The following ATP6V1D variants were observed in gnomAD, a reference collection of about 807,000 sequenced individuals.
ATP6V1D encodes ATPase H+ transporting V1 subunit D, also known as V-type proton ATPase subunit D.
A neutral mutation model predicts 39.4 loss-of-function variants in ATP6V1D; 20 were observed. The observed-to-expected ratio is 0.51, with a 90% CI of 0.36 to 0.74. The LOEUF is 0.74. ATP6V1D is among the 30% of genes least tolerant of loss of function. ATP6V1D has a pLI of 0.00. For missense variants in ATP6V1D, 228 were observed against 291.6 expected (o/e 0.78, Z 1.59); for synonymous variants, 100 against 100.5 (o/e 0.99, Z 0.03).
At chr14:67,346,807 T>C (rs2085622257) in intron 5 of ATP6V1D, among the ~76,000 whole-genome samples, 1 of 152,200 alleles carries the variant, frequency 6.6e-6, no homozygotes, top group Non-Finnish European at 1.5e-5. Flanking sequence ...AAACTGGGAA[T>C]TATAAGCAGT....
In ATP6V1D at chr14:67,340,611, A is replaced by G. The variant is rs1044299291; in HGVS notation, c.524-93T>C. ...TTTGTATAACAGTTATTTTTTCCTA[A>G]TTGTAAAATTAATGTGCATTTAATG... On this transcript the variant is annotated intron_variant, in intron 7 of 8. Coordinates refer to ENST00000216442, the MANE Select transcript of ATP6V1D (RefSeq NM_015994.4). 3.2e-5 allele frequency: 35 copies of G among 1,078,982 alleles called. No individual in the cohort carries two copies. In the African/African-American group the frequency reaches 5.2e-4, roughly 16 times the overall value. The allele number at this position is 1,078,982 out of a possible 1,614,324, so 66.8% of individuals were successfully genotyped here. A position where few individuals can be genotyped will look rare whatever the true frequency, so the allele number is the denominator to read the frequency against.
chr14:67,347,513 T>C lies in ATP6V1D; in HGVS notation c.308-60A>G, dbSNP rs2085627754. Reference sequence around the variant, plus strand: ...CCTTTAAGTTCTCTCTTTTTTTTTTTTTTCTGAGACGGAGTTTTGCTCTTG... The same window carrying C: ...CCTTTAAGTTCTCTCTTTTTTTTTTCTTTCTGAGACGGAGTTTTGCTCTTG... On this transcript the variant is annotated intron_variant, in intron 4 of 8. Transcript: ENST00000216442. 2 of 1,469,412 alleles carry C rather than the reference T, an allele frequency of 1.4e-6. 1 individual carries two copies. Among genetic ancestry groups the C allele is most frequent in the Admixed American group, 3.9e-5 (2 of 51,052 alleles). 91.0% of individuals were successfully genotyped at this position (1,469,412 alleles called of 1,614,324 possible).
At position 67,359,622 on chromosome 14, in the gene ATP6V1D, ACCTGTGAAAGCGGCTTATC is replaced by A. The variant is rs2085714246; in HGVS notation, c.41+17_41+35del. ...AAGGGACCGCGCTCCGGGTTCCTAA[ACCTGTGAAAGCGGCTTATC>A]CCATTCCTTTACTTACATTCGCGAG... On this transcript the variant is annotated intron_variant, in intron 1 of 8. Coordinates refer to ENST00000216442, the MANE Select transcript of ATP6V1D (RefSeq NM_015994.4). 2 of 1,613,166 alleles carry A rather than the reference ACCTGTGAAAGCGGCTTATC, an allele frequency of 1.2e-6. No homozygotes were observed. Among genetic ancestry groups the A allele is most frequent in the East Asian group, 4.5e-5 (2 of 44,882 alleles).
chr14:67,350,414 C>A (rs969369779), intron 3 of ATP6V1D, among the ~76,000 whole-genome samples, 197 bp downstream of exon 3: 1 of 152,104 alleles, frequency 6.6e-6, no homozygotes, highest in Non-Finnish European at 1.5e-5. Context: ...AAGTATCCTG[C>A]GCCTGCAACT....
chr14:67,345,159 T>C (rs2085611460), intron 6 of ATP6V1D, among the ~76,000 whole-genome samples: 1 of 151,864 alleles, frequency 6.6e-6, no homozygotes, highest in Non-Finnish European at 1.5e-5. Flanking sequence ...GGCGGATCAC[T>C]TAAGCCCAGG....
At chr14:67,358,197 G>A (rs2085699266) in intron 1 of ATP6V1D, among the ~76,000 whole-genome samples, 1 of 152,148 alleles carries the variant, frequency 6.6e-6, no homozygotes, top group African/African-American at 2.4e-5. Context: ...AGTTTTGACT[G>A]AGTCATCACG....
intron 8 of ATP6V1D, among the ~76,000 whole-genome samples, chr14:67,339,004 T>G (rs1028813138): frequency 5.3e-5 from 8 of 150,112 alleles, no homozygotes; most frequent in South Asian, 4.2e-4. Flanking sequence ...TTTTTTTTTT[T>G]TTTTTTTGAG....
intron 5 of ATP6V1D, among the ~76,000 whole-genome samples, 194 bp from the exon 6 acceptor site, chr14:67,346,065 C>T (rs542654376): frequency 2.6e-5 from 4 of 152,206 alleles, no homozygotes; most frequent in Non-Finnish European, 5.9e-5. Flanking sequence ...CAGTTTCCCA[C>T]AAGAATACTA....
chr14:67,342,625 G>C (rs2141094998), intron 7 of ATP6V1D, among the ~76,000 whole-genome samples: 1 of 147,480 alleles, frequency 6.8e-6, no homozygotes, highest in South Asian at 2.1e-4. Context: ...CAGTCAAAAA[G>C]GTTTTTTAAA....
At chr14:67,338,992 C>CTT (rs772977015) in intron 8 of ATP6V1D, among the ~76,000 whole-genome samples, 82 of 131,132 alleles carry the variant, frequency 6.3e-4, no homozygotes, top group Middle Eastern at 3.5e-3. Flanking sequence ...AGACAGAAGC[C>CTT]TTTTTTTTTT....
chr14:67,359,690 G>C lies in ATP6V1D; in HGVS notation c.9C>G (p.Gly3=). 1 of 1,613,968 alleles carries C rather than the reference G, an allele frequency of 6.2e-7. No homozygotes were observed. Among genetic ancestry groups the C allele is most frequent in the African/African-American group, 1.3e-5 (1 of 75,004 alleles). MS[G]KDRIEIFPSR... Reference sequence around the variant, plus strand: ...AGGGAAAGATTTCAATTCGGTCTTTGCCCGACATTCTGACGATAACTTTTC... The same window carrying C: ...AGGGAAAGATTTCAATTCGGTCTTTCCCCGACATTCTGACGATAACTTTTC... Residue 3 remains glycine (G), a synonymous_variant, in exon 1 of 9, where the codon GGC becomes GGG. Coordinates refer to ENST00000216442, the MANE Select transcript of ATP6V1D (RefSeq NM_015994.4).
rs2085555062 is a variant in ATP6V1D, at chr14:67,338,312, A to G, written c.*309T>C. The G allele has an allele frequency of 4.8e-6, 1 of 210,424 alleles. No individual in the cohort carries two copies. The highest frequency in any genetic ancestry group is 2.3e-5 in the African/African-American group (1 of 43,644). 13.0% of individuals were successfully genotyped at this position (210,424 alleles called of 1,614,324 possible). On this transcript the variant is annotated 3_prime_UTR_variant, in exon 9 of 9. Coordinates refer to ENST00000216442, the MANE Select transcript of ATP6V1D (RefSeq NM_015994.4). ...GGCCTGAGACCGCTAATGCTTCCTA[A>G]GAGGTATTTCCTAATATGCTTGGTA...
At chr14:67,351,041 T>C (rs1311328811) in intron 2 of ATP6V1D, among the ~76,000 whole-genome samples, 1 of 152,248 alleles carries the variant, frequency 6.6e-6, no homozygotes, top group Non-Finnish European at 1.5e-5. Context: ...GGTGTATTAA[T>C]TTTAAAGTAC....
intron 7 of ATP6V1D, 43 bp from the exon 8 acceptor site, chr14:67,340,561 C>A: frequency 2.0e-6 from 3 of 1,520,566 alleles, no homozygotes; most frequent in South Asian, 1.1e-5. Context: ...ACTTCAAACC[C>A]CTTTTTTCAA....
intron 6 of ATP6V1D, among the ~76,000 whole-genome samples, chr14:67,344,590 G>A (rs1365350838): frequency 6.6e-6 from 1 of 152,132 alleles, no homozygotes; most frequent in African/African-American, 2.4e-5. Context: ...AGCAAAGAGT[G>A]AAACTGGGCT....
chr14:67,338,667 G>C lies in ATP6V1D; in HGVS notation c.698C>G (p.Ala233Gly). 1 of 1,614,118 alleles carries C rather than the reference G, an allele frequency of 6.2e-7. No homozygotes were observed. Among genetic ancestry groups the C allele is most frequent in the South Asian group, 1.1e-5 (1 of 91,084 alleles). ...RRAAGEVLEP[A>G]NLLAEEKDED... ...GTCCTTCTCTTCAGCCAGAAGATTAGCAGGCTCCAACACCTCTCCAGCTGC... is the reference window on the plus strand; with the variant it reads ...GTCCTTCTCTTCAGCCAGAAGATTACCAGGCTCCAACACCTCTCCAGCTGC... Residue 233 changes from alanine to glycine, a missense_variant, in exon 9 of 9, where the codon GCT becomes GGT. Transcript: ENST00000216442.
chr14:67,345,946 A>T, intron 5 of ATP6V1D, 75 bp from the exon 6 acceptor site: 1 of 888,804 alleles, frequency 1.1e-6, no homozygotes, highest in Non-Finnish European at 1.8e-6. Context: ...AAAGGAGATA[A>T]TTCAGAATAA....
In ATP6V1D at chr14:67,359,732, C is replaced by G; in HGVS notation, c.-34G>C. ...TAACTTTTCGGCTCGGGTCCCCGGC[C>G]GGGCAACCGAGGCTGCAATAGCTCC... On this transcript the variant is annotated 5_prime_UTR_variant, in exon 1 of 9. Coordinates refer to ENST00000216442, the MANE Select transcript of ATP6V1D (RefSeq NM_015994.4). 6.2e-7 allele frequency: 1 copy of G among 1,613,432 alleles called. No homozygotes were observed. Among genetic ancestry groups the G allele is most frequent in the Non-Finnish European group, 8.5e-7 (1 of 1,179,880 alleles).
intron 7 of ATP6V1D, 37 bp downstream of exon 7, chr14:67,343,335 A>G (rs748014863): frequency 6.6e-7 from 1 of 1,523,736 alleles, no homozygotes; most frequent in Admixed American, 1.7e-5. Context: ...GAGGGTATGG[A>G]CAAGTGACAA....
Sources: gnomAD v4.1 joint callset for allele counts (sites outside exome capture counted in the v4.1 genomes callset) on GRCh38, gnomAD v4.1.1 for gene constraint, MANE v1.5 for transcripts, NCBI Gene and HGNC (gene_info 2026-07-23, HGNC 2026-07-21) for gene names.